AKAP19: variants seen among roughly 807,000 people sequenced by gnomAD.
AKAP19 encodes the protein small A-kinase anchoring protein.
chr2:189,983,147 C>G, the AKAP19 span, among the ~76,000 whole-genome samples: 1 of 152,202 alleles, frequency 6.6e-6, no homozygotes, highest in Non-Finnish European at 1.5e-5. Context: ...CCTGAGCCAG[C>G]AGGAACCTAA....
At chr2:190,133,538 G>A in the AKAP19 span, among the ~76,000 whole-genome samples, 4 of 152,254 alleles carry the variant, frequency 2.6e-5, no homozygotes, top group Admixed American at 2.6e-4. Context: ...ATATGATCCA[G>A]CAAAGGAAAG....
chr2:189,904,263 G>A, the AKAP19 span, among the ~76,000 whole-genome samples: 3 of 151,946 alleles, frequency 2.0e-5, no homozygotes, highest in Admixed American at 6.6e-5. Context: ...TATAATCCTC[G>A]CAGCAATACT....
the AKAP19 span, among the ~76,000 whole-genome samples, chr2:190,109,173 C>T: frequency 6.6e-6 from 1 of 152,092 alleles, no homozygotes. Flanking sequence ...TCTAGGCAAT[C>T]AAGAGTTAGA....
At chr2:189,993,971 T>A in the AKAP19 span, among the ~76,000 whole-genome samples, 5 of 152,248 alleles carry the variant, frequency 3.3e-5, no homozygotes, top group South Asian at 1.0e-3. Context: ...GTTTCATTTA[T>A]CTTTTGTATT....
chr2:190,164,063 A>G, the AKAP19 span: 3 of 152,238 alleles, frequency 2.0e-5, no homozygotes, highest in Non-Finnish European at 4.4e-5. Flanking sequence ...TGAACCTGGT[A>G]ACTTCAGGGT....
the AKAP19 span, among the ~76,000 whole-genome samples, chr2:190,005,835 T>C: frequency 1.3e-5 from 2 of 152,258 alleles, no homozygotes; most frequent in African/African-American, 4.8e-5. Flanking sequence ...GTTTGTGTCA[T>C]CTGGCATTCT....
At chr2:190,062,084 G>T in the AKAP19 span, 1 of 893,024 alleles carries the variant, frequency 1.1e-6, no homozygotes, top group Non-Finnish European at 1.7e-6. Flanking sequence ...ATGCAATCTT[G>T]AAAAAGAGAA....
chr2:190,132,753 AG>A, the AKAP19 span, among the ~76,000 whole-genome samples: 7 of 152,214 alleles, frequency 4.6e-5, no homozygotes, highest in Non-Finnish European at 8.8e-5. Context: ...TGACTCCAAA[AG>A]CACAAGCAAC....
chr2:190,148,997 C>A, the AKAP19 span, among the ~76,000 whole-genome samples: 2 of 139,450 alleles, frequency 1.4e-5, no homozygotes, highest in East Asian at 2.0e-4. Context: ...GAGTTTCACT[C>A]TTCTTGCCCA....
At chr2:190,065,251 G>A in the AKAP19 span, among the ~76,000 whole-genome samples, 2 of 152,064 alleles carry the variant, frequency 1.3e-5, no homozygotes, top group Non-Finnish European at 2.9e-5. Context: ...TCACAGGAAA[G>A]CTGCAATGGA....
the AKAP19 span, among the ~76,000 whole-genome samples, chr2:189,913,372 C>T: frequency 3.9e-5 from 6 of 152,030 alleles, no homozygotes; most frequent in Non-Finnish European, 1.5e-5. Flanking sequence ...TTCACTGTCA[C>T]TTCTGTAATT....
At chr2:190,064,620 G>C in the AKAP19 span, among the ~76,000 whole-genome samples, 2 of 152,120 alleles carry the variant, frequency 1.3e-5, no homozygotes, top group African/African-American at 4.8e-5. Flanking sequence ...TATGGCACCT[G>C]TCATATAGTA....
the AKAP19 span, among the ~76,000 whole-genome samples, chr2:190,123,162 T>C: frequency 6.6e-6 from 1 of 152,192 alleles, no homozygotes; most frequent in Non-Finnish European, 1.5e-5. Context: ...AATATTTTAA[T>C]TGTTATATAA....
At chr2:190,115,174 GGAGAGAGACAGAGA>G in the AKAP19 span, among the ~76,000 whole-genome samples, 21 of 135,340 alleles carry the variant, frequency 1.6e-4, no homozygotes, top group South Asian at 3.4e-3. Flanking sequence ...TGTGTGAGGG[GGAGAGAGACAGAGA>G]GAGAGAGACA....
the AKAP19 span, among the ~76,000 whole-genome samples, chr2:190,101,824 A>T: frequency 2.0e-5 from 3 of 152,186 alleles, no homozygotes; most frequent in Non-Finnish European, 4.4e-5. Context: ...CTGGACTTAA[A>T]TTCAAAACTT....
At chr2:189,982,535 G>A in the AKAP19 span, among the ~76,000 whole-genome samples, 1 of 152,160 alleles carries the variant, frequency 6.6e-6, no homozygotes, top group Non-Finnish European at 1.5e-5. Flanking sequence ...TAGAGCTAGT[G>A]TGATCCTTTG....
the AKAP19 span, among the ~76,000 whole-genome samples, chr2:189,938,789 C>A: frequency 6.6e-6 from 1 of 152,116 alleles, no homozygotes; most frequent in African/African-American, 2.4e-5. Flanking sequence ...GTAATTATTA[C>A]ACATTGCATG....
At chr2:189,884,440 TG>T in the AKAP19 span, among the ~76,000 whole-genome samples, 1 of 152,202 alleles carries the variant, frequency 6.6e-6, no homozygotes, top group Non-Finnish European at 1.5e-5. Flanking sequence ...CACTCTTTTT[TG>T]GTCTTTTCTC....
chr2:189,948,737 C>T, the AKAP19 span, among the ~76,000 whole-genome samples: 9 of 152,222 alleles, frequency 5.9e-5, no homozygotes, highest in Admixed American at 4.6e-4. Context: ...ATATATATAG[C>T]GTATACATAA....
Sources: allele counts gnomAD v4.1 joint callset (sites outside exome capture counted in the v4.1 genomes callset), GRCh38; gene constraint gnomAD v4.1.1; transcripts MANE v1.5; gene names NCBI Gene and HGNC (gene_info 2026-07-23, HGNC 2026-07-21).